LRRTM4: variants seen among roughly 807,000 people sequenced by gnomAD.
LRRTM4 encodes the protein leucine-rich repeat transmembrane neuronal protein 4.
In LRRTM4, 25 loss-of-function variants were observed where a neutral mutation model predicts 47.6. The ratio of observed to expected loss-of-function variants is 0.53; its 90% CI spans 0.38 to 0.73. LRRTM4 has a LOEUF of 0.73. Ranked by LOEUF, LRRTM4 falls within the 30% of genes least tolerant of loss-of-function variation. LRRTM4 has a pLI of 0.00. For missense variants in LRRTM4, 638 were observed against 713.4 expected, an observed-to-expected ratio of 0.89 and a Z score of 1.20; for synonymous variants, 311 against 269.5, an observed-to-expected ratio of 1.15 and a Z score of -1.51.
chr2:76,807,437 C>CA (rs1558667459), intron 3 of LRRTM4, among the ~76,000 whole-genome samples: 1 of 34,302 alleles, frequency 2.9e-5, no homozygotes, highest in Non-Finnish European at 4.6e-5. Context: ...TATATATATA[C>CA]GTATATACAT....
chr2:77,324,024 A>G (rs1346278992), intron 3 of LRRTM4, among the ~76,000 whole-genome samples: 1 of 152,166 alleles, frequency 6.6e-6, no homozygotes, highest in African/African-American at 2.4e-5. Flanking sequence ...ATTCATTTTC[A>G]GATTAGGTTT....
intron 3 of LRRTM4, among the ~76,000 whole-genome samples, chr2:76,921,637 T>C (rs1003081453): frequency 2.6e-5 from 4 of 152,140 alleles, no homozygotes; most frequent in Non-Finnish European, 5.9e-5. Context: ...ATTAAGGACA[T>C]TATACCATAG....
chr2:77,281,445 A>G (rs1573189465), intron 3 of LRRTM4, among the ~76,000 whole-genome samples: 1 of 152,020 alleles, frequency 6.6e-6, no homozygotes, highest in East Asian at 1.9e-4. Context: ...TGCTATCTCC[A>G]AACTTCTGAA....
intron 3 of LRRTM4, among the ~76,000 whole-genome samples, chr2:77,185,245 A>G (rs1290683364): frequency 1.3e-5 from 2 of 152,122 alleles, no homozygotes; most frequent in Non-Finnish European, 2.9e-5. Context: ...CTGTCTTGTG[A>G]TAAGGGTGCT....
chr2:76,981,752 C>CA (rs1676616242), intron 3 of LRRTM4, among the ~76,000 whole-genome samples: 1 of 151,990 alleles, frequency 6.6e-6, no homozygotes, highest in Non-Finnish European at 1.5e-5. Context: ...CTCAGCCTCC[C>CA]AAAGGCTTGA....
intron 3 of LRRTM4, among the ~76,000 whole-genome samples, chr2:76,827,963 A>C (rs960743301): frequency 5.3e-5 from 8 of 152,090 alleles, no homozygotes; most frequent in African/African-American, 1.7e-4. Flanking sequence ...TTCAAAATAC[A>C]CAAGAAAAGT....
rs1267989274 is a variant in LRRTM4 at position 76,827,976 on chromosome 2, T to C, written c.1552-79060A>G. ...TTTTCAAAATACACAAGAAAAGTCA[T>C]TTGCTTTTACTCTTGGGAAATAGTG... On this transcript the variant is annotated intron_variant, in intron 3 of 3. Transcript: ENST00000409884. Among the ~76,000 whole-genome samples, 6 of 151,940 alleles carry C rather than the reference T, an allele frequency of 3.9e-5. No homozygotes were observed. The East Asian group carries it at 1.2e-3, about 29-fold the overall frequency.
At chr2:77,340,733 T>G (rs1186319185) in intron 3 of LRRTM4, among the ~76,000 whole-genome samples, 1 of 151,962 alleles carries the variant, frequency 6.6e-6, no homozygotes, top group East Asian at 1.9e-4. Flanking sequence ...TGATTTCATT[T>G]TGGCCTCCAT....
In LRRTM4 at chr2:77,228,447, A is replaced by G. The variant is rs568022405; in HGVS notation, c.1551+289871T>C. Among the ~76,000 whole-genome samples the G allele has an allele frequency of 1.5e-4, 23 of 152,258 alleles. No homozygotes were observed. In the South Asian group the frequency reaches 3.1e-3, roughly 21 times the overall value. On this transcript the variant is annotated intron_variant, in intron 3 of 3. Coordinates refer to ENST00000409884, the MANE Select transcript of LRRTM4 (RefSeq NM_001134745.3). Reference sequence around the variant, plus strand: ...GTCCCATGAAAATTACATAAGCTCCAGTGAATGAGGCATTTAATCTTAAGC... The same window carrying G: ...GTCCCATGAAAATTACATAAGCTCCGGTGAATGAGGCATTTAATCTTAAGC...
rs573516244 is a variant in LRRTM4, at chr2:77,063,142, G to A, written c.1552-314226C>T. Among the ~76,000 whole-genome samples, 3 of 149,562 alleles carry A rather than the reference G, an allele frequency of 2.0e-5. No homozygotes were observed. The South Asian group carries it at 6.3e-4, about 31-fold the overall frequency. ...GCTAATCTTTGTATTTTTTTTTTAGGAGAGACAGGGTTTCACCATATTGGC... is the reference window on the plus strand; with the variant it reads ...GCTAATCTTTGTATTTTTTTTTTAGAAGAGACAGGGTTTCACCATATTGGC... On this transcript the variant is annotated intron_variant, in intron 3 of 3. Transcript: ENST00000409884.
intron 3 of LRRTM4, among the ~76,000 whole-genome samples, chr2:76,827,844 G>T (rs947614905): frequency 4.6e-5 from 7 of 151,778 alleles, no homozygotes; most frequent in Non-Finnish European, 8.8e-5. Flanking sequence ...GAACTAGATG[G>T]TTATAATAAT....
At chr2:76,931,413 C>T (rs1405637487) in intron 3 of LRRTM4, among the ~76,000 whole-genome samples, 1 of 152,116 alleles carries the variant, frequency 6.6e-6, no homozygotes, top group Non-Finnish European at 1.5e-5. Context: ...TTTTCTCATT[C>T]CTGCTTTGAC....
chr2:76,845,681 A>T (rs560008995), intron 3 of LRRTM4, among the ~76,000 whole-genome samples: 5 of 152,204 alleles, frequency 3.3e-5, no homozygotes, highest in Non-Finnish European at 5.9e-5. Flanking sequence ...CTAACATGAA[A>T]TATTTTTCAG....
intron 3 of LRRTM4, among the ~76,000 whole-genome samples, chr2:77,228,597 C>A (rs1674877664): frequency 6.6e-6 from 1 of 152,142 alleles, no homozygotes; most frequent in Non-Finnish European, 1.5e-5. Flanking sequence ...CAGTTATAAG[C>A]CCAAGGCTTG....
At chr2:76,904,315 T>C (rs1385475166) in intron 3 of LRRTM4, among the ~76,000 whole-genome samples, 5 of 152,172 alleles carry the variant, frequency 3.3e-5, no homozygotes, top group Non-Finnish European at 7.4e-5. Flanking sequence ...ATGAACAACC[T>C]TTACTGACCA....
intron 3 of LRRTM4, among the ~76,000 whole-genome samples, chr2:76,964,798 C>G (rs1283929772): frequency 6.7e-6 from 1 of 149,374 alleles, no homozygotes; most frequent in African/African-American, 2.4e-5. Flanking sequence ...AAATAAAAAA[C>G]AATTAATAAA....
At chr2:76,795,014 C>G (rs1675195345) in intron 3 of LRRTM4, among the ~76,000 whole-genome samples, 1 of 151,464 alleles carries the variant, frequency 6.6e-6, no homozygotes, top group Admixed American at 6.6e-5. Flanking sequence ...AAAATATTAC[C>G]AGATTTTATG....
At chr2:77,121,759 C>T (rs1357725538) in intron 3 of LRRTM4, among the ~76,000 whole-genome samples, 1 of 151,726 alleles carries the variant, frequency 6.6e-6, no homozygotes, top group East Asian at 1.9e-4. Flanking sequence ...CGCTTTTCTA[C>T]CATCTGGTAA....
At chr2:77,215,350 G>T (rs1172712705) in intron 3 of LRRTM4, among the ~76,000 whole-genome samples, 5 of 152,126 alleles carry the variant, frequency 3.3e-5, no homozygotes, top group Non-Finnish European at 7.4e-5. Context: ...TGTTTTAGAT[G>T]CTTCATTAAT....
Sources: gnomAD v4.1 joint callset for allele counts (sites outside exome capture counted in the v4.1 genomes callset) on GRCh38, gnomAD v4.1.1 for gene constraint, MANE v1.5 for transcripts, NCBI Gene and HGNC (gene_info 2026-07-23, HGNC 2026-07-21) for gene names.